Variants in CNGB3 observed in about 807,000 individuals in gnomAD.
The protein encoded by CNGB3 is cyclic nucleotide-gated channel beta-3.
Under a neutral mutation model 92.8 loss-of-function variants are expected in CNGB3, and 86 were observed. That is an observed-to-expected ratio of 0.93 (90% CI 0.78 to 1.11). The LOEUF is 1.11. CNGB3 is among the 50% of genes least tolerant of loss of function. The probability of loss-of-function intolerance (pLI) is 0.00; values close to 1 mark genes in which losing one functional copy is unlikely to be tolerated. For synonymous variants in CNGB3, 333 were observed against 332.7 expected, an observed-to-expected ratio of 1.00 and a Z score of -0.01; for missense variants, 1,026 against 956.8, an observed-to-expected ratio of 1.07 and a Z score of -0.95.
intron 2 of CNGB3, among the ~76,000 whole-genome samples, chr8:86,738,325 G>A (rs1236596251): frequency 1.3e-5 from 2 of 152,110 alleles, no homozygotes; most frequent in African/African-American, 4.8e-5. Flanking sequence ...ATTAGATTTT[G>A]TCCTGCAGGC....
At chr8:86,587,947 A>C (rs1459096196) in intron 15 of CNGB3, among the ~76,000 whole-genome samples, 1 of 151,440 alleles carries the variant, frequency 6.6e-6, no homozygotes, top group Non-Finnish European at 1.5e-5. Context: ...CATTTTCACG[A>C]TATTGATTCT....
intron 13 of CNGB3, among the ~76,000 whole-genome samples, chr8:86,614,119 TA>T (rs561710916): frequency 2.0e-3 from 297 of 152,092 alleles, no homozygotes; most frequent in Non-Finnish European, 3.2e-3. Context: ...AACTTTCTCA[TA>T]CTGGAAGTGG....
chr8:86,712,317 A>G (rs1171223496), intron 3 of CNGB3, among the ~76,000 whole-genome samples: 1 of 152,078 alleles, frequency 6.6e-6, no homozygotes, highest in African/African-American at 2.4e-5. Context: ...AGTAAAGTTT[A>G]TTAAGCTTTT....
At chr8:86,677,254 T>C (rs944180361) in intron 3 of CNGB3, among the ~76,000 whole-genome samples, 1 of 152,230 alleles carries the variant, frequency 6.6e-6, no homozygotes, top group Non-Finnish European at 1.5e-5. Flanking sequence ...TAATTTGTTA[T>C]GGCAGTCTTA....
intron 3 of CNGB3, among the ~76,000 whole-genome samples, chr8:86,693,633 G>A (rs1485906898): frequency 1.3e-5 from 2 of 150,548 alleles, no homozygotes; most frequent in Admixed American, 6.6e-5. Flanking sequence ...TAAGATTAGG[G>A]AGTGGTGATG....
chr8:86,717,722 C>T (rs895049186), intron 3 of CNGB3, among the ~76,000 whole-genome samples: 1 of 152,140 alleles, frequency 6.6e-6, no homozygotes, highest in African/African-American at 2.4e-5. Context: ...TTCTATTCAT[C>T]AGCACCTGGA....
At chr8:86,636,271 A>G (rs2131588472) in intron 10 of CNGB3, among the ~76,000 whole-genome samples, 1 of 152,160 alleles carries the variant, frequency 6.6e-6, no homozygotes, top group Non-Finnish European at 1.5e-5. Context: ...TTTTGAATAT[A>G]CAGTTAAAGC....
At chr8:86,612,508 A>G (rs1463178271) in intron 13 of CNGB3, among the ~76,000 whole-genome samples, 2 of 152,198 alleles carry the variant, frequency 1.3e-5, no homozygotes, top group Non-Finnish European at 2.9e-5. Flanking sequence ...AACTAATTGT[A>G]GAGTCAGTGG....
At chr8:86,636,052 C>T (rs528944721) in intron 10 of CNGB3, among the ~76,000 whole-genome samples, 63 of 151,588 alleles carry the variant, frequency 4.2e-4, no homozygotes, top group African/African-American at 1.3e-3. Context: ...ACAGTGAACA[C>T]TCACATGCCC....
intron 15 of CNGB3, among the ~76,000 whole-genome samples, chr8:86,599,353 G>A (rs1014205294): frequency 2.0e-5 from 3 of 152,094 alleles, no homozygotes; most frequent in East Asian, 1.9e-4. Context: ...GGATGATTGC[G>A]TTAACTGCAC....
chr8:86,710,384 T>C (rs1351775987), intron 3 of CNGB3, among the ~76,000 whole-genome samples: 2 of 151,532 alleles, frequency 1.3e-5, no homozygotes, highest in Non-Finnish European at 2.9e-5. Flanking sequence ...CCCACCCCCA[T>C]CTCTACTCTT....
At chr8:86,579,865 T>G (rs75529087) in intron 15 of CNGB3, among the ~76,000 whole-genome samples, 1 of 152,196 alleles carries the variant, frequency 6.6e-6, no homozygotes. Flanking sequence ...ACCCTCTTCT[T>G]TTCCCATTCA....
chr8:86,583,405 T>C (rs1821830180), intron 15 of CNGB3, among the ~76,000 whole-genome samples: 1 of 152,100 alleles, frequency 6.6e-6, no homozygotes, highest in Non-Finnish European at 1.5e-5. Context: ...TAGTTCAAAA[T>C]GCATATTGAA....
At chr8:86,693,432 A>ATTTAT (rs370843079) in intron 3 of CNGB3, among the ~76,000 whole-genome samples, 35,118 of 137,670 alleles carry the variant, frequency 0.26, 4,632 homozygotes, top group East Asian at 0.38. Flanking sequence ...TATTATTATT[A>ATTTAT]TTATTTATTT....
chr8:86,738,562 G>T (rs1825285048), intron 2 of CNGB3, among the ~76,000 whole-genome samples: 1 of 152,140 alleles, frequency 6.6e-6, no homozygotes, highest in South Asian at 2.1e-4. Flanking sequence ...GAAGTGGGCC[G>T]GGCGCGGTGG....
At chr8:86,640,255 A>C (rs1823155540) in intron 10 of CNGB3, among the ~76,000 whole-genome samples, 6 of 152,100 alleles carry the variant, frequency 3.9e-5, no homozygotes, top group Admixed American at 1.3e-4. Context: ...ATACACATTT[A>C]GAATTGGAAT....
intron 14 of CNGB3, among the ~76,000 whole-genome samples, chr8:86,608,328 C>T (rs1313550086): frequency 6.6e-6 from 1 of 152,224 alleles, no homozygotes; most frequent in South Asian, 2.1e-4. Context: ...CCAGACAGGG[C>T]CACCAGAAGG....
chr8:86,616,452 T>C (rs907419823), intron 13 of CNGB3, among the ~76,000 whole-genome samples: 2 of 152,182 alleles, frequency 1.3e-5, no homozygotes, highest in African/African-American at 4.8e-5. Flanking sequence ...ACTATTATTA[T>C]TCTTTTTTTT....
chr8:86,643,957 A>G, intron 9 of CNGB3, 84 bp from the exon 10 acceptor site: 1 of 1,447,924 alleles, frequency 6.9e-7, no homozygotes, highest in Non-Finnish European at 9.5e-7. Context: ...CCTTAAAGTC[A>G]CCAGCGAACC....
Sources: allele counts gnomAD v4.1 joint callset (sites outside exome capture counted in the v4.1 genomes callset), GRCh38; gene constraint gnomAD v4.1.1; transcripts MANE v1.5; gene names NCBI Gene and HGNC (gene_info 2026-07-23, HGNC 2026-07-21).